Variants in ATP2C2 observed in about 807,000 individuals in gnomAD.
The protein encoded by ATP2C2 is calcium-transporting ATPase type 2C member 2.
A neutral mutation model predicts 110.8 loss-of-function variants in ATP2C2; 171 were observed. The observed-to-expected ratio is 1.54, with a 90% CI of 1.36 to 1.75. The LOEUF is 1.75. ATP2C2 is among the 40% of genes most tolerant of loss of function. The pLI is 0.00. For missense variants in ATP2C2, 1,963 were observed against 1,235.0 expected (o/e 1.59, Z -8.84); for synonymous variants, 804 against 508.4 (o/e 1.58, Z -7.82).
chr16:84,406,751 A>G lies in ATP2C2; in HGVS notation c.327+1507A>G, dbSNP rs1254328028. 6 of 645,032 alleles carry G rather than the reference A, an allele frequency of 9.3e-6. No individual in the cohort carries two copies. In the South Asian group the frequency reaches 3.5e-4, roughly 37 times the overall value. The allele number at this position is 645,032 out of a possible 1,614,324, so 40.0% of individuals were successfully genotyped here. On this transcript the variant is annotated intron_variant, in intron 3 of 26. Transcript: ENST00000262429. ...AGTTGGGGTTCAGGGAAGGAGGCCG[A>G]GACATGGGCTGTGAGGGAGGAGCTC...
chr16:84,459,811 C>T (rs1280980542), intron 23 of ATP2C2: 1 of 492,944 alleles, frequency 2.0e-6, no homozygotes, highest in Admixed American at 3.3e-5. Context: ...ATCTGTCTCC[C>T]CTTTAGAACA....
Position 84,460,700 on chromosome 16 carries a change from C to A in ATP2C2, c.2380C>A (p.Arg794=). 1.2e-6 allele frequency: 2 copies of A among 1,614,208 alleles called. No homozygotes were observed. The highest frequency in any genetic ancestry group is 1.7e-6 in the Non-Finnish European group (2 of 1,180,040). ...VDKDAFRQPP[R]SVRDTILSRA... ...CAAAGACGCCTTCAGGCAGCCACCA[C>A]GGAGTGTGCGGGACACCATCCTCAG... The change falls in exon 24 of 27, where the codon CGG becomes AGG. Residue 794 remains arginine, a synonymous_variant. Coordinates refer to ENST00000262429, the MANE Select transcript of ATP2C2 (RefSeq NM_014861.4).
intron 11 of ATP2C2, among the ~76,000 whole-genome samples, chr16:84,435,339 C>G (rs1310573660): frequency 1.3e-5 from 2 of 152,198 alleles, no homozygotes; most frequent in Admixed American, 6.5e-5. Flanking sequence ...ACTGTCTTAG[C>G]TCTGATGAAA....
At chr16:84,439,077 T>C (rs1188273925) in intron 11 of ATP2C2, 89 bp from the exon 12 acceptor site, 1 of 1,561,092 alleles carries the variant, frequency 6.4e-7, no homozygotes, top group Admixed American at 1.7e-5. Context: ...TAAGACAAGC[T>C]TCACCAGCCA....
chr16:84,403,655 C>G (rs1339608436), intron 2 of ATP2C2, among the ~76,000 whole-genome samples: 2 of 152,046 alleles, frequency 1.3e-5, no homozygotes. Flanking sequence ...TATAGTCACA[C>G]TGTTGCACAA....
chr16:84,444,891 T>C (rs1196010389), intron 15 of ATP2C2, among the ~76,000 whole-genome samples: 3 of 152,252 alleles, frequency 2.0e-5, no homozygotes, highest in Admixed American at 6.5e-5. Flanking sequence ...TCACCTGCTC[T>C]AAATGGCACT....
chr16:84,438,346 T>A (rs1174540903), intron 11 of ATP2C2, among the ~76,000 whole-genome samples: 1 of 152,170 alleles, frequency 6.6e-6, no homozygotes, highest in Non-Finnish European at 1.5e-5. Flanking sequence ...ATCATACCTT[T>A]CCACCACTTC....
intron 6 of ATP2C2, among the ~76,000 whole-genome samples, chr16:84,414,542 C>G (rs1052113766): frequency 6.6e-6 from 1 of 151,920 alleles, no homozygotes; most frequent in Non-Finnish European, 1.5e-5. Context: ...CCACTCATGT[C>G]TCTCGGGCCA....
At position 84,459,356 on chromosome 16, in the gene ATP2C2, A is replaced by T. The variant is rs868157282; in HGVS notation, c.2303A>T (p.Asn768Ile). 1.2e-6 allele frequency: 2 copies of T among 1,614,172 alleles called. No individual in the cohort carries two copies. The highest frequency in any genetic ancestry group is 1.7e-6 in the Non-Finnish European group (2 of 1,180,014). ...PLNAMQILWINIIMDGPPAQS... is the reference protein window; with the variant it reads ...PLNAMQILWIIIIMDGPPAQS... ...AACGCCATGCAGATCCTATGGATCA[A>T]CATCATCATGGATGGGCCACCGGCG... Residue 768 changes from asparagine to isoleucine, a missense_variant, in exon 23 of 27, where the codon AAC (asparagine) becomes ATC (isoleucine). Transcript: ENST00000262429.
At chr16:84,433,389 C>G (rs1197703919) in intron 11 of ATP2C2, among the ~76,000 whole-genome samples, 4 of 143,828 alleles carry the variant, frequency 2.8e-5, no homozygotes, top group East Asian at 3.9e-4. Context: ...TCTTAAAAAA[C>G]AAAAACAAAA....
intron 11 of ATP2C2, among the ~76,000 whole-genome samples, chr16:84,427,097 T>C (rs933016155): frequency 1.3e-5 from 2 of 152,190 alleles, no homozygotes; most frequent in Admixed American, 6.5e-5. Flanking sequence ...TCTAGGCTCA[T>C]GTCAGGCCCA....
intron 1 of ATP2C2, among the ~76,000 whole-genome samples, chr16:84,391,135 GAAGA>G (rs1166109443): frequency 1.3e-5 from 1 of 75,326 alleles, no homozygotes; most frequent in Non-Finnish European, 2.9e-5. Flanking sequence ...AAAAAAAAAA[GAAGA>G]AGAAGAAGGG....
At chr16:84,459,223 C>G in intron 22 of ATP2C2, 35 bp downstream of exon 22, 2 of 1,614,146 alleles carry the variant, frequency 1.2e-6, no homozygotes, top group Non-Finnish European at 1.7e-6. Flanking sequence ...TGTCATTAAG[C>G]ACCACGCCTG....
intron 1 of ATP2C2, among the ~76,000 whole-genome samples, chr16:84,371,497 C>T (rs894331748): frequency 1.3e-5 from 2 of 152,116 alleles, no homozygotes; most frequent in Non-Finnish European, 2.9e-5. Flanking sequence ...AGAGTGAGAC[C>T]CTGTCTCAAA....
chr16:84,406,684 C>T, intron 3 of ATP2C2: 1 of 979,204 alleles, frequency 1.0e-6, no homozygotes, highest in Non-Finnish European at 1.2e-6. Context: ...CAGAAGCTTC[C>T]TAAAACTGCA....
At chr16:84,368,841 G>A in intron 1 of ATP2C2, 127 bp downstream of exon 1, 2 of 827,586 alleles carry the variant, frequency 2.4e-6, no homozygotes, top group Non-Finnish European at 3.7e-6. Flanking sequence ...CCCTGGCTCT[G>A]GAAAGAAGCT....
intron 6 of ATP2C2, among the ~76,000 whole-genome samples, chr16:84,413,118 A>T (rs1906529973): frequency 6.7e-6 from 1 of 149,416 alleles, no homozygotes; most frequent in African/African-American, 2.5e-5. Flanking sequence ...AAAAAAAAGT[A>T]TCTCATGGTC....
rs777196777 is a variant in ATP2C2, at chr16:84,370,788, A to G, written c.99+2074A>G. On this transcript the variant is annotated intron_variant, in intron 1 of 26. Coordinates refer to ENST00000262429, the MANE Select transcript of ATP2C2 (RefSeq NM_014861.4). Reference sequence around the variant, plus strand: ...TACATGCCACATCCAGGATGCCTGTAGGAGGCCTCTAAGCCCTCCCCTCCC... The same window carrying G: ...TACATGCCACATCCAGGATGCCTGTGGGAGGCCTCTAAGCCCTCCCCTCCC... Among the ~76,000 whole-genome samples the G allele has an allele frequency of 5.9e-4, 89 of 151,586 alleles. 1 individual carries two copies. Among genetic ancestry groups the G allele is most frequent in the Non-Finnish European group, 1.1e-3 (77 of 67,972 alleles).
At position 84,422,634 on chromosome 16, in the gene ATP2C2, C is replaced by T. The variant is rs765553044; in HGVS notation, c.780C>T (p.Val260=). ...TLVQYGRGQG[V]VIGTGESSQF... ...TCTCTCTCTCCTGGACACAGGGGGTCGTGATTGGAACAGGGGAAAGCTCTC... is the reference window on the plus strand; with the variant it reads ...TCTCTCTCTCCTGGACACAGGGGGTTGTGATTGGAACAGGGGAAAGCTCTC... Residue 260 remains valine (V), a synonymous_variant, in exon 9 of 27, where the codon GTC becomes GTT. Coordinates refer to ENST00000262429, the MANE Select transcript of ATP2C2 (RefSeq NM_014861.4). 5.6e-6 allele frequency: 9 copies of T among 1,612,776 alleles called. No homozygotes were observed. Among genetic ancestry groups the T allele is most frequent in the South Asian group, 3.3e-5 (3 of 90,908 alleles).
Sources: allele counts gnomAD v4.1 joint callset (sites outside exome capture counted in the v4.1 genomes callset), GRCh38; gene constraint gnomAD v4.1.1; transcripts MANE v1.5; gene names NCBI Gene and HGNC (gene_info 2026-07-23, HGNC 2026-07-21).